Variants in MXRA7 observed in about 807,000 individuals in gnomAD.
The protein encoded by MXRA7 is matrix remodeling associated 7.
MXRA7 carries 18 observed loss-of-function variants against 17.4 expected under a neutral mutation model. The observed-to-expected ratio is 1.03, with a 90% confidence interval of 0.71 to 1.53. MXRA7 has a LOEUF of 1.53. Ranked by LOEUF, MXRA7 falls within the 40% of genes most tolerant of loss-of-function variation. The pLI is 0.00. For missense variants in MXRA7, 141 were observed against 209.3 expected (o/e 0.67, Z 2.01); for synonymous variants, 70 against 101.7 (o/e 0.69, Z 1.87).
chr17:76,676,174 TTATTGAA>T (rs958333248), downstream of MXRA7: 16 of 152,158 alleles, frequency 1.1e-4, no homozygotes, highest in African/African-American at 3.6e-4. Flanking sequence ...CTTTGGCATT[TTATTGAA>T]TACTTTCTGG....
Position 76,710,864 on chromosome 17 carries a change from C to T in MXRA7, c.83G>A (p.Arg28Gln), listed in dbSNP as rs751463433. 1.0e-3 allele frequency: 1,012 copies of T among 984,000 alleles called. 8 individuals are homozygous for T. In the African/African-American group the frequency reaches 0.017, roughly 17 times the overall value. The allele number at this position is 984,000 out of a possible 1,614,324, so 61.0% of individuals were successfully genotyped here. Reference sequence around the variant, plus strand: ...CTCCGGGCTCGCGGCCGCCCCACGCCGCACCAGTAGCCAGGCGAGCAGAAG... The same window carrying T: ...CTCCGGGCTCGCGGCCGCCCCACGCTGCACCAGTAGCCAGGCGAGCAGAAG... The part of the protein sequence containing the change: ...LALLLAWLLV[R>Q]RGAAASPEPA... Residue 28 changes from arginine (R) to glutamine (Q), a missense_variant, in exon 1 of 4, where the codon CGG becomes CAG. This residue lies in a region of MXRA7 where 72 missense variants were observed against 111.9 expected (regional missense o/e 0.64). Transcript: ENST00000449428.
At chr17:76,687,999 T>TCCCCCC in intron 2 of MXRA7, 114 bp downstream of exon 2, 9 of 801,718 alleles carry the variant, frequency 1.1e-5, no homozygotes, top group Admixed American at 4.3e-5. Flanking sequence ...CAGGCCACTG[T>TCCCCCC]CCCACCCCAT....
chr17:76,688,750 G>A (rs924186887), intron 1 of MXRA7: 7 of 1,103,638 alleles, frequency 6.3e-6, no homozygotes, highest in Non-Finnish European at 8.0e-6. Context: ...TTGGTGGAAG[G>A]AAGAAGTGAC....
chr17:76,690,197 G>T (rs1028941331), intron 1 of MXRA7: 2 of 151,954 alleles, frequency 1.3e-5, no homozygotes, highest in African/African-American at 2.4e-5. Context: ...TTTTTGGAAG[G>T]GCCCACGAGA....
intron 1 of MXRA7, among the ~76,000 whole-genome samples, chr17:76,698,707 TTTC>T (rs1289702259): frequency 7.6e-6 from 1 of 131,896 alleles, no homozygotes; most frequent in African/African-American, 2.8e-5. Context: ...ACTTCCTTCC[TTTC>T]TGTTTTTTTT....
chr17:76,685,185 T>G lies in MXRA7; in HGVS notation c.407-20A>C. 1 of 1,597,722 alleles carries G rather than the reference T, an allele frequency of 6.3e-7. No individual in the cohort carries two copies. Among genetic ancestry groups the G allele is most frequent in the Non-Finnish European group, 8.6e-7 (1 of 1,165,202 alleles). ...CTTCTCCTGTGGAGGGGGGACCCAG[T>G]AAGTGCCAGGAGTGCTGTAGAGGCT... On this transcript the variant is annotated intron_variant, in intron 2 of 3. Transcript: ENST00000449428.
downstream of MXRA7, chr17:76,676,049 G>T (rs1211500416): frequency 6.6e-6 from 1 of 152,332 alleles, no homozygotes; most frequent in East Asian, 1.9e-4. Context: ...TGCCAGTGGG[G>T]TGATCAGAAA....
intron 1 of MXRA7, among the ~76,000 whole-genome samples, chr17:76,703,085 T>G (rs961881469): frequency 6.6e-6 from 1 of 150,580 alleles, no homozygotes; most frequent in African/African-American, 2.4e-5. Context: ...GCACTGCAGC[T>G]TGGGTGACAG....
At chr17:76,683,172 G>A (rs2076331721) in intron 3 of MXRA7, among the ~76,000 whole-genome samples, 1 of 152,162 alleles carries the variant, frequency 6.6e-6, no homozygotes, top group African/African-American at 2.4e-5. Flanking sequence ...GCCCCCTCTA[G>A]CCTCTGTCCA....
chr17:76,692,489 G>A (rs2076488271), intron 1 of MXRA7, among the ~76,000 whole-genome samples: 1 of 152,000 alleles, frequency 6.6e-6, no homozygotes, highest in Non-Finnish European at 1.5e-5. Context: ...CCGACCTCAG[G>A]TGATCCGCCC....
intron 1 of MXRA7, among the ~76,000 whole-genome samples, chr17:76,701,401 G>C (rs2076590106): frequency 6.6e-6 from 1 of 152,062 alleles, no homozygotes. Flanking sequence ...CGGGTGGAGG[G>C]GCAGCAGAAA....
At chr17:76,708,941 G>C (rs1202864213) in intron 1 of MXRA7, among the ~76,000 whole-genome samples, 1 of 152,288 alleles carries the variant, frequency 6.6e-6, no homozygotes, top group Non-Finnish European at 1.5e-5. Flanking sequence ...ATACTGCCTT[G>C]TCCTTCAGAG....
At chr17:76,677,902 G>A (rs1292840248), downstream of MXRA7, among the ~76,000 whole-genome samples, 1 of 152,162 alleles carries the variant, frequency 6.6e-6, no homozygotes, top group African/African-American at 2.4e-5. Flanking sequence ...ACTTTTGAGG[G>A]CTCTAAAAAC....
chr17:76,694,332 G>A (rs1215447775), intron 1 of MXRA7, among the ~76,000 whole-genome samples: 2 of 152,084 alleles, frequency 1.3e-5, no homozygotes, highest in Admixed American at 6.5e-5. Context: ...CACCTCTCCT[G>A]TCCACCACTC....
intron 1 of MXRA7, among the ~76,000 whole-genome samples, chr17:76,700,288 GA>G (rs2076575978): frequency 6.6e-6 from 1 of 152,128 alleles, no homozygotes; most frequent in Non-Finnish European, 1.5e-5. Context: ...CAGTGTTTTA[GA>G]AAATGTTAGA....
chr17:76,678,466 C>T (rs749746420), downstream of MXRA7, among the ~76,000 whole-genome samples: 22 of 152,154 alleles, frequency 1.4e-4, no homozygotes, highest in Non-Finnish European at 2.6e-4. Flanking sequence ...TGGGGCGAGG[C>T]GGCTGCCGAA....
intron 3 of MXRA7, chr17:76,683,777 A>T: frequency 8.8e-7 from 1 of 1,131,246 alleles, no homozygotes; most frequent in Non-Finnish European, 1.3e-6. Flanking sequence ...AGGCCGCGTC[A>T]GTTGTTTGGG....
At chr17:76,673,802 T>G (rs1455715342) in exon 4 of MXRA7, 1 of 152,170 alleles carries the variant, frequency 6.6e-6, no homozygotes, top group Non-Finnish European at 1.5e-5. Flanking sequence ...GCAGCTTAGA[T>G]TGCATGTTTT....
chr17:76,696,468 CT>C (rs1340559777), intron 1 of MXRA7, among the ~76,000 whole-genome samples: 1 of 151,410 alleles, frequency 6.6e-6, no homozygotes, highest in African/African-American at 2.4e-5. Flanking sequence ...CTGCAGTGAG[CT>C]ATGATGATGT....
Sources: allele counts gnomAD v4.1 joint callset (sites outside exome capture counted in the v4.1 genomes callset), GRCh38; gene constraint gnomAD v4.1.1; regional missense constraint gnomAD v4.1.1; transcripts MANE v1.5; gene names NCBI Gene and HGNC (gene_info 2026-07-23, HGNC 2026-07-21).